Variants in EPB41L3 observed in about 807,000 individuals in gnomAD.
EPB41L3 encodes erythrocyte membrane protein band 4.1 like 3, also known as band 4.1-like protein 3.
Under a neutral mutation model 127.1 loss-of-function variants are expected in EPB41L3, and 57 were observed. The ratio of observed to expected loss-of-function variants is 0.45; its 90% CI spans 0.36 to 0.56. The LOEUF (loss-of-function observed/expected upper bound fraction) is 0.56, where lower values mean the gene tolerates loss of function less well. Among genes scored for constraint, EPB41L3 ranks in the 20% least tolerant of loss-of-function variants. The probability of loss-of-function intolerance (pLI) is 0.00; values close to 1 mark genes in which losing one functional copy is unlikely to be tolerated. For synonymous variants in EPB41L3, 572 were observed against 549.5 expected, an observed-to-expected ratio of 1.04 and a Z score of -0.57; for missense variants, 1,273 against 1,372.2, an observed-to-expected ratio of 0.93 and a Z score of 1.14.
chr18:5,546,541 C>CAACAAACA (rs539883570), upstream of EPB41L3, among the ~76,000 whole-genome samples: 2 of 152,030 alleles, frequency 1.3e-5, no homozygotes, highest in Non-Finnish European at 2.9e-5. Flanking sequence ...AAAACTACAA[C>CAACAAACA]AACAAACAAA....
chr18:5,616,889 A>T (rs111316522), intron 1 of EPB41L3, among the ~76,000 whole-genome samples: 1 of 152,200 alleles, frequency 6.6e-6, no homozygotes, highest in African/African-American at 2.4e-5. Context: ...TCTCTTGTCC[A>T]TAGACATTTG....
chr18:5,619,705 T>C (rs1168549558), intron 1 of EPB41L3, among the ~76,000 whole-genome samples: 2 of 152,232 alleles, frequency 1.3e-5, no homozygotes, highest in Non-Finnish European at 1.5e-5. Flanking sequence ...GTTTTTAAGA[T>C]ATGTACTATA....
At chr18:5,624,037 G>T (rs2094895502) in intron 1 of EPB41L3, among the ~76,000 whole-genome samples, 1 of 152,120 alleles carries the variant, frequency 6.6e-6, no homozygotes, top group South Asian at 2.1e-4. Context: ...GTCTTGCTCT[G>T]TCACCCAGGC....
chr18:5,470,126 G>A (rs2085844675), intron 3 of EPB41L3, among the ~76,000 whole-genome samples: 1 of 152,168 alleles, frequency 6.6e-6, no homozygotes, highest in Non-Finnish European at 1.5e-5. Flanking sequence ...GAAACAGAGA[G>A]CAGGAGATCT....
intron 1 of EPB41L3, among the ~76,000 whole-genome samples, chr18:5,492,375 A>G (rs2090707679): frequency 7.2e-6 from 1 of 137,932 alleles, no homozygotes; most frequent in Non-Finnish European, 1.5e-5. Flanking sequence ...TTATTTTAAT[A>G]AGCTTTTAGT....
chr18:5,491,469 G>A (rs2090586387), intron 1 of EPB41L3, among the ~76,000 whole-genome samples: 1 of 152,114 alleles, frequency 6.6e-6, no homozygotes, highest in African/African-American at 2.4e-5. Context: ...TTAAATCCAG[G>A]ACCATCACCA....
At chr18:5,514,290 C>T (rs915298571) in intron 1 of EPB41L3, among the ~76,000 whole-genome samples, 51 of 152,130 alleles carry the variant, frequency 3.4e-4, no homozygotes, top group African/African-American at 1.2e-3. Context: ...CAATGCAAAA[C>T]GTTAAGTTCA....
chr18:5,566,762 CTATTCTATTCTATTCTATTCT>C (rs2094208334), intron 3 of EPB41L3, among the ~76,000 whole-genome samples: 2 of 143,214 alleles, frequency 1.4e-5, no homozygotes, highest in Non-Finnish European at 3.0e-5. Context: ...CTATTCTATT[CTATTCTATTCTATTCTATTCT>C]ATTCTATTCC....
intron 3 of EPB41L3, among the ~76,000 whole-genome samples, chr18:5,603,437 G>C (rs1002177423): frequency 6.6e-6 from 1 of 152,164 alleles, no homozygotes; most frequent in African/African-American, 2.4e-5. Flanking sequence ...TCAGCTACAG[G>C]AACCAACCTG....
At chr18:5,442,832 G>T (rs1051100758) in intron 5 of EPB41L3, among the ~76,000 whole-genome samples, 2 of 152,158 alleles carry the variant, frequency 1.3e-5, no homozygotes, top group African/African-American at 4.8e-5. Flanking sequence ...TACTGCTGGA[G>T]TAATTACTAT....
chr18:5,565,625 C>T (rs1380348276), intron 3 of EPB41L3, among the ~76,000 whole-genome samples: 4 of 129,116 alleles, frequency 3.1e-5, no homozygotes, highest in African/African-American at 1.2e-4. Context: ...CCCCTCCCCC[C>T]ACCCCACAAC....
chr18:5,398,559 A>C, intron 16 of EPB41L3: 2 of 403,628 alleles, frequency 5.0e-6, no homozygotes, highest in Non-Finnish European at 8.7e-6. Context: ...AAGCAGCAAG[A>C]GAAACGGAAA....
intron 6 of EPB41L3, among the ~76,000 whole-genome samples, chr18:5,434,787 CT>C (rs2079516276): frequency 3.9e-5 from 6 of 152,282 alleles, no homozygotes; most frequent in South Asian, 2.1e-4. Flanking sequence ...ATTCACTATG[CT>C]ATACTTTTTA....
intron 1 of EPB41L3, among the ~76,000 whole-genome samples, chr18:5,522,798 A>G (rs1472608270): frequency 1.3e-5 from 2 of 152,224 alleles, no homozygotes; most frequent in African/African-American, 4.8e-5. Context: ...ATACAAAATA[A>G]CAGACAAGTT....
At chr18:5,557,629 C>A (rs1208560916) in intron 3 of EPB41L3, among the ~76,000 whole-genome samples, 2 of 150,688 alleles carry the variant, frequency 1.3e-5, no homozygotes, top group Non-Finnish European at 2.9e-5. Context: ...AAATGATCCA[C>A]CCCTGTCGGC....
chr18:5,468,408 C>T (rs1281669859), intron 3 of EPB41L3, among the ~76,000 whole-genome samples: 1 of 152,180 alleles, frequency 6.6e-6, no homozygotes, highest in African/African-American at 2.4e-5. Flanking sequence ...ACTTACGGTG[C>T]TTTTTCCAGG....
intron 3 of EPB41L3, among the ~76,000 whole-genome samples, chr18:5,470,704 A>C (rs2085965899): frequency 6.6e-6 from 1 of 152,234 alleles, no homozygotes. Flanking sequence ...ACTGCTGAGG[A>C]AGTAGGCTCA....
At chr18:5,509,993 GTAATT>G (rs1307464650) in intron 1 of EPB41L3, among the ~76,000 whole-genome samples, 2 of 152,168 alleles carry the variant, frequency 1.3e-5, no homozygotes, top group African/African-American at 2.4e-5. Context: ...TACAGATGCA[GTAATT>G]TAATATGGAG....
Position 5,416,392 on chromosome 18 carries a change from G to C in EPB41L3, c.1507-14C>G. 6.3e-7 allele frequency: 1 copy of C among 1,586,992 alleles called. No individual in the cohort carries two copies. Among genetic ancestry groups the C allele is most frequent in the Non-Finnish European group, 8.6e-7 (1 of 1,165,248 alleles). Reference sequence around the variant, plus strand: ...AAGCCCAGGTGACTGATGTGAAAGAGACAGAAAGAGACAGAAAGCAGCAAA... The same window carrying C: ...AAGCCCAGGTGACTGATGTGAAAGACACAGAAAGAGACAGAAAGCAGCAAA... On this transcript the variant is annotated splice_polypyrimidine_tract_variant and intron_variant, in intron 12 of 22. Coordinates refer to ENST00000341928, the MANE Select transcript of EPB41L3 (RefSeq NM_012307.5).
Sources: allele counts gnomAD v4.1 joint callset (sites outside exome capture counted in the v4.1 genomes callset), GRCh38; gene constraint gnomAD v4.1.1; transcripts MANE v1.5; gene names NCBI Gene and HGNC (gene_info 2026-07-23, HGNC 2026-07-21).